PCDH15: variants seen among roughly 807,000 people sequenced by gnomAD.
PCDH15 encodes protocadherin related 15.
A neutral mutation model predicts 178.5 loss-of-function variants in PCDH15; 129 were observed. The observed-to-expected ratio is 0.72, with a 90% CI of 0.63 to 0.84. The LOEUF (loss-of-function observed/expected upper bound fraction) is 0.84. Ranked by LOEUF, PCDH15 falls within the 40% of genes least tolerant of loss-of-function variation. The pLI is 0.00. For missense variants in PCDH15, 2,230 were observed against 2,099.9 expected, an observed-to-expected ratio of 1.06 and a Z score of -1.21; for synonymous variants, 800 against 732.0, an observed-to-expected ratio of 1.09 and a Z score of -1.50.
intron 3 of PCDH15, among the ~76,000 whole-genome samples, chr10:54,514,915 C>G (rs1186979000): frequency 6.6e-6 from 1 of 152,106 alleles, no homozygotes. Context: ...ACTTACTCAT[C>G]GAAAAGAAAT....
intron 2 of PCDH15, among the ~76,000 whole-genome samples, chr10:55,002,734 T>C (rs1356529558): frequency 6.6e-6 from 1 of 152,166 alleles, no homozygotes; most frequent in Non-Finnish European, 1.5e-5. Context: ...GCCCAAGTAC[T>C]ATTATGGAAG....
chr10:55,240,536 C>G (rs1265225189), intron 1 of PCDH15, among the ~76,000 whole-genome samples: 1 of 152,100 alleles, frequency 6.6e-6, no homozygotes, highest in Non-Finnish European at 1.5e-5. Flanking sequence ...ATTACTAATC[C>G]TTCTTCCATG....
At chr10:53,824,893 A>AAAAACAAGGAGAATT (rs1181070511) in intron 32 of PCDH15, among the ~76,000 whole-genome samples, 1 of 152,044 alleles carries the variant, frequency 6.6e-6, no homozygotes, top group Non-Finnish European at 1.5e-5. Context: ...TAAAAAAATT[A>AAAAACAAGGAGAATT]AAAACAAGGA....
intron 13 of PCDH15, among the ~76,000 whole-genome samples, chr10:54,175,895 TTACCTATGATATAGGTA>T (rs1223290860): frequency 2.0e-5 from 3 of 152,146 alleles, no homozygotes; most frequent in Non-Finnish European, 4.4e-5. Context: ...GGTATGATAA[TTACCTATGATATAGGTA>T]TACCTATGAT....
At chr10:55,137,450 T>G (rs574788830) in intron 2 of PCDH15, among the ~76,000 whole-genome samples, 8 of 152,062 alleles carry the variant, frequency 5.3e-5, no homozygotes, top group Non-Finnish European at 1.2e-4. Context: ...GCAAGTACAC[T>G]CCATAATGTT....
In PCDH15 at chr10:54,664,271, A is replaced by G. The variant is rs2094536179; in HGVS notation, c.-9T>C. 1.9e-6 allele frequency: 3 copies of G among 1,604,812 alleles called. No homozygotes were observed. The highest frequency in any genetic ancestry group is 2.7e-5 in the African/African-American group (2 of 74,730). On this transcript the variant is annotated 5_prime_UTR_variant, in exon 2 of 38. It removes the in-frame stop codon of an upstream open reading frame in the 5' UTR. Transcript: ENST00000644397. ...TAAAACTGTCGAAACATCTTCTGTC[A>G]AAGTTCACTCAAAGCTGATCTGAAA...
intron 4 of PCDH15, among the ~76,000 whole-genome samples, chr10:54,374,447 T>C (rs1384485985): frequency 6.6e-6 from 1 of 152,084 alleles, no homozygotes; most frequent in Admixed American, 6.6e-5. Flanking sequence ...TTTCTTTCTG[T>C]TATTATTTTA....
At chr10:54,337,124 A>ATG (rs1175005829) in intron 6 of PCDH15, among the ~76,000 whole-genome samples, 1 of 151,884 alleles carries the variant, frequency 6.6e-6, no homozygotes, top group Non-Finnish European at 1.5e-5. Flanking sequence ...ATATATATAT[A>ATG]TTCATACCCA....
chr10:55,516,589 C>T (rs1479595185), intron 2 of PCDH15, among the ~76,000 whole-genome samples: 8 of 151,810 alleles, frequency 5.3e-5, no homozygotes, highest in African/African-American at 1.9e-4. Context: ...TTTTTTTTTC[C>T]TGCTAGCTTC....
chr10:54,431,583 CTG>C (rs1269669884), intron 3 of PCDH15, among the ~76,000 whole-genome samples: 1 of 152,084 alleles, frequency 6.6e-6, no homozygotes, highest in Non-Finnish European at 1.5e-5. Context: ...TCTCAACAAA[CTG>C]TGTTTAGAAG....
intron 3 of PCDH15, among the ~76,000 whole-genome samples, chr10:54,832,379 AT>A (rs1463269318): frequency 1.7e-4 from 26 of 152,230 alleles, no homozygotes; most frequent in Non-Finnish European, 3.1e-4. Context: ...TTAATTACCA[AT>A]TTAATTAGAT....
chr10:55,616,110 A>C (rs1237273393), intron 2 of PCDH15, among the ~76,000 whole-genome samples: 1 of 152,200 alleles, frequency 6.6e-6, no homozygotes, highest in South Asian at 2.1e-4. Context: ...CATGCAGCAA[A>C]GTTGCTCTAT....
intron 2 of PCDH15, among the ~76,000 whole-genome samples, chr10:55,123,088 CAAAT>C (rs1837813472): frequency 1.3e-5 from 2 of 151,760 alleles, no homozygotes; most frequent in Non-Finnish European, 1.5e-5. Flanking sequence ...TCTCTATAAA[CAAAT>C]AAGTTTCAAT....
intron 2 of PCDH15, among the ~76,000 whole-genome samples, chr10:55,135,065 G>T (rs760949973): frequency 6.6e-6 from 1 of 152,062 alleles, no homozygotes; most frequent in Non-Finnish European, 1.5e-5. Context: ...TTGGCCTTTT[G>T]TTATTTTTGA....
At chr10:54,324,090 A>T (rs1434510846) in intron 7 of PCDH15, among the ~76,000 whole-genome samples, 1 of 152,126 alleles carries the variant, frequency 6.6e-6, no homozygotes, top group Non-Finnish European at 1.5e-5. Flanking sequence ...TGCCCAAGAA[A>T]CTTGCAGAGT....
At chr10:53,822,423 G>T (rs749478274) in intron 32 of PCDH15, 1 of 1,585,478 alleles carries the variant, frequency 6.3e-7, no homozygotes, top group Non-Finnish European at 8.6e-7. Flanking sequence ...AATGTCAGGA[G>T]GAGGAGCAAG....
At chr10:54,219,570 G>A (rs1218350385) in intron 9 of PCDH15, among the ~76,000 whole-genome samples, 1 of 125,954 alleles carries the variant, frequency 7.9e-6, no homozygotes, top group Non-Finnish European at 1.6e-5. Context: ...TCCAGCTTGG[G>A]TAACAGAACA....
chr10:55,357,533 T>A (rs1204109824), intron 2 of PCDH15, among the ~76,000 whole-genome samples: 1 of 152,014 alleles, frequency 6.6e-6, no homozygotes, highest in Non-Finnish European at 1.5e-5. Flanking sequence ...ATACTCAATG[T>A]TTTTTAAGTG....
intron 11 of PCDH15, among the ~76,000 whole-genome samples, chr10:54,188,831 AAC>A (rs1431693330): frequency 6.6e-6 from 1 of 151,964 alleles, no homozygotes; most frequent in Non-Finnish European, 1.5e-5. Context: ...AGGCACATAC[AAC>A]ACAGACATGT....
Sources: gnomAD v4.1 joint callset for allele counts (sites outside exome capture counted in the v4.1 genomes callset) on GRCh38, gnomAD v4.1.1 for gene constraint, MANE v1.5 for transcripts, NCBI Gene and HGNC (gene_info 2026-07-23, HGNC 2026-07-21) for gene names.